GARIN1B: variants seen among roughly 807,000 people sequenced by gnomAD.
GARIN1B encodes golgi associated RAB2 interactor 1B, also known as Golgi-associated RAB2 interactor protein 1B.
chr7:128,725,000 C>A, the GARIN1B span: 1 of 676,222 alleles, frequency 1.5e-6, no homozygotes, highest in Non-Finnish European at 2.0e-6. Context: ...CAACGCCATC[C>A]AGATGTCAGG....
chr7:128,724,500 ATCT>A, the GARIN1B span, among the ~76,000 whole-genome samples: 2 of 152,148 alleles, frequency 1.3e-5, no homozygotes, highest in Non-Finnish European at 2.9e-5. Flanking sequence ...CTACAGATCT[ATCT>A]TCTTCATGGC....
At chr7:128,715,452 C>T in the GARIN1B span, 34 of 1,613,874 alleles carry the variant, frequency 2.1e-5, no homozygotes, top group Non-Finnish European at 2.6e-5. Context: ...ATGTTGTCAT[C>T]ATTTCCACAT....
chr7:128,728,045 CATAAG>C, the GARIN1B span, among the ~76,000 whole-genome samples: 43 of 152,292 alleles, frequency 2.8e-4, no homozygotes, highest in African/African-American at 9.9e-4. Context: ...GCCAAAATAT[CATAAG>C]ATATTTATAA....
At chr7:128,720,141 T>C in the GARIN1B span, among the ~76,000 whole-genome samples, 1 of 152,132 alleles carries the variant, frequency 6.6e-6, no homozygotes, top group African/African-American at 2.4e-5. Flanking sequence ...TTCTTAATGA[T>C]GTTTTTGAGG....
At chr7:128,713,379 A>G in the GARIN1B span, among the ~76,000 whole-genome samples, 2 of 152,224 alleles carry the variant, frequency 1.3e-5, no homozygotes, top group African/African-American at 2.4e-5. Context: ...TATCTGTCAC[A>G]TGGTTTCTAA....
the GARIN1B span, among the ~76,000 whole-genome samples, chr7:128,709,890 T>A: frequency 1.3e-5 from 2 of 152,022 alleles, no homozygotes; most frequent in African/African-American, 4.8e-5. Context: ...TAGCTGGGAT[T>A]ACAGGCGTGT....
the GARIN1B span, among the ~76,000 whole-genome samples, chr7:128,730,609 G>A: frequency 6.6e-6 from 1 of 151,934 alleles, no homozygotes; most frequent in African/African-American, 2.4e-5. Context: ...AGGGAGGGGT[G>A]ATTTCTGTTT....
At chr7:128,718,823 G>A in the GARIN1B span, 1 of 1,611,446 alleles carries the variant, frequency 6.2e-7, no homozygotes, top group Non-Finnish European at 8.5e-7. Context: ...CTTCCCTGGT[G>A]GCTTCAGGAT....
At chr7:128,717,300 G>A in the GARIN1B span, among the ~76,000 whole-genome samples, 1 of 152,172 alleles carries the variant, frequency 6.6e-6, no homozygotes, top group Non-Finnish European at 1.5e-5. Context: ...GGGCAAGGAG[G>A]CAGTGAGTCT....
At chr7:128,718,943 C>G in the GARIN1B span, 1 of 1,614,088 alleles carries the variant, frequency 6.2e-7, no homozygotes, top group South Asian at 1.1e-5. Context: ...TCCTGACCAT[C>G]CTGAGACTGT....
At chr7:128,723,619 C>T in the GARIN1B span, among the ~76,000 whole-genome samples, 1 of 150,548 alleles carries the variant, frequency 6.6e-6, no homozygotes, top group African/African-American at 2.5e-5. Flanking sequence ...AAGCGATTCT[C>T]CCGCCTCAGC....
At chr7:128,724,893 G>C in the GARIN1B span, 1 of 1,283,796 alleles carries the variant, frequency 7.8e-7, no homozygotes, top group African/African-American at 1.5e-5. Flanking sequence ...AGCTCGCAAA[G>C]ACATGGGCCC....
the GARIN1B span, among the ~76,000 whole-genome samples, chr7:128,712,776 G>A: frequency 4.6e-5 from 7 of 152,178 alleles, no homozygotes; most frequent in African/African-American, 1.7e-4. Context: ...CAAGTTATTG[G>A]AACCTACATC....
the GARIN1B span, among the ~76,000 whole-genome samples, chr7:128,730,233 G>A: frequency 1.3e-5 from 2 of 152,144 alleles, no homozygotes; most frequent in East Asian, 1.9e-4. Flanking sequence ...CAACTGGGCT[G>A]AGCAAAACCA....
the GARIN1B span, chr7:128,730,134 G>A: frequency 6.5e-7 from 1 of 1,547,238 alleles, no homozygotes; most frequent in South Asian, 1.2e-5. Flanking sequence ...TCAGGGCTGG[G>A]TCAGATCCTG....
At chr7:128,716,494 T>C in the GARIN1B span, among the ~76,000 whole-genome samples, 23,862 of 152,140 alleles carry the variant, frequency 0.16, 2,267 homozygotes, top group African/African-American at 0.26. Context: ...GGTTGAAATA[T>C]TGTTTAAATA....
chr7:128,727,191 A>C, the GARIN1B span, among the ~76,000 whole-genome samples: 7 of 152,198 alleles, frequency 4.6e-5, no homozygotes, highest in Non-Finnish European at 1.0e-4. Context: ...TATTCATTCA[A>C]AACCACGCAC....
chr7:128,713,746 A>G, the GARIN1B span: 1 of 372,490 alleles, frequency 2.7e-6, no homozygotes, highest in East Asian at 6.9e-5. Context: ...ACAGACTTGT[A>G]TGGAAAAGAG....
the GARIN1B span, among the ~76,000 whole-genome samples, chr7:128,719,247 TTTA>T: frequency 2.0e-5 from 3 of 151,996 alleles, no homozygotes; most frequent in Non-Finnish European, 4.4e-5. Context: ...CATTGTGGAT[TTTA>T]TTGTTTTATA....
Sources: allele counts gnomAD v4.1 joint callset (sites outside exome capture counted in the v4.1 genomes callset), GRCh38; gene constraint gnomAD v4.1.1; transcripts MANE v1.5; gene names NCBI Gene and HGNC (gene_info 2026-07-23, HGNC 2026-07-21).